CSRNP3: variants seen among roughly 807,000 people sequenced by gnomAD.
CSRNP3 encodes cysteine/serine-rich nuclear protein 3.
A neutral mutation model predicts 48.0 loss-of-function variants in CSRNP3; 12 were observed. The ratio of observed to expected loss-of-function variants is 0.25; its 90% CI spans 0.16 to 0.41. The LOEUF is 0.41. Ranked by LOEUF, CSRNP3 falls within the 10% of genes least tolerant of loss-of-function variation. The pLI is 1.00. For synonymous variants in CSRNP3, 263 were observed against 269.7 expected (o/e 0.98, Z 0.24); for missense variants, 580 against 724.4 (o/e 0.80, Z 2.29).
At chr2:165,477,276 T>C (rs765630507) in intron 1 of CSRNP3, among the ~76,000 whole-genome samples, 1 of 151,542 alleles carries the variant, frequency 6.6e-6, no homozygotes, top group Non-Finnish European at 1.5e-5. Context: ...CTGTTAAGTC[T>C]TTTCTATGCT....
chr2:165,666,762 G>GAAGA lies in CSRNP3; in HGVS notation c.408+8751_408+8754dup, dbSNP rs555473496. Among the ~76,000 whole-genome samples, 61 of 121,788 alleles carry GAAGA rather than the reference G, an allele frequency of 5.0e-4. No individual in the cohort carries two copies. In the East Asian group the frequency reaches 6.6e-3, roughly 13 times the overall value. The allele number at this position is 121,788 out of a possible 152,430, so 79.9% of individuals were successfully genotyped here. On this transcript the variant is annotated intron_variant, in intron 5 of 6. Transcript: ENST00000651982. ...AGAGAGAGGAAGGAAGGAGAGAGAG[G>GAAGA]AAGAAAGAAAGAGAAAGGAAGGCAG...
intron 4 of CSRNP3, among the ~76,000 whole-genome samples, chr2:165,603,009 C>A (rs2105303107): frequency 6.6e-6 from 1 of 152,216 alleles, no homozygotes; most frequent in East Asian, 1.9e-4. Context: ...CATTCTCCTG[C>A]CTCAGCCTCA....
chr2:165,488,582 TTA>T (rs1449974994), intron 1 of CSRNP3, among the ~76,000 whole-genome samples: 1 of 142,430 alleles, frequency 7.0e-6, no homozygotes, highest in African/African-American at 2.6e-5. Flanking sequence ...AGAACAGAAA[TTA>T]TAACAAACTA....
intron 1 of CSRNP3, among the ~76,000 whole-genome samples, chr2:165,485,145 C>T (rs1246662107): frequency 3.3e-5 from 5 of 152,188 alleles, no homozygotes; most frequent in African/African-American, 7.2e-5. Context: ...TTGTGTCTAT[C>T]GGAAACTAAG....
chr2:165,642,713 C>T (rs1416243923), intron 4 of CSRNP3, among the ~76,000 whole-genome samples: 1 of 152,114 alleles, frequency 6.6e-6, no homozygotes, highest in African/African-American at 2.4e-5. Flanking sequence ...CAGGCATGCG[C>T]CACCATGCCC....
chr2:165,489,950 C>G lies in CSRNP3; in HGVS notation c.-282-4809C>G, dbSNP rs1684179829. Among the ~76,000 whole-genome samples, 13 of 151,520 alleles carry G rather than the reference C, an allele frequency of 8.6e-5. No individual in the cohort carries two copies. The South Asian group carries it at 2.7e-3, about 32-fold the overall frequency. On this transcript the variant is annotated intron_variant, in intron 1 of 6. Coordinates refer to ENST00000651982, the MANE Select transcript of CSRNP3 (RefSeq NM_001172173.2). ...ATAGTGTTGGAAGTTCTGGCCAGGG[C>G]AATCAGGCAGGAGAAGAAAATAAAA...
intron 3 of CSRNP3, 110 bp downstream of exon 3, chr2:165,518,071 T>C (rs1684604231): frequency 6.6e-6 from 1 of 152,344 alleles, no homozygotes; most frequent in African/African-American, 2.4e-5. Context: ...ACTTAAAATA[T>C]GTGTTTTAAA....
chr2:165,564,594 T>C (rs778306136), intron 3 of CSRNP3, among the ~76,000 whole-genome samples: 12 of 152,044 alleles, frequency 7.9e-5, no homozygotes, highest in Non-Finnish European at 1.3e-4. Flanking sequence ...AAATTTTTTA[T>C]ATTTCTCCCT....
intron 3 of CSRNP3, among the ~76,000 whole-genome samples, chr2:165,542,443 C>T (rs183711572): frequency 1.3e-5 from 2 of 152,172 alleles, no homozygotes; most frequent in East Asian, 1.9e-4. Context: ...TGTACATAAA[C>T]ATATAATAAA....
intron 4 of CSRNP3, among the ~76,000 whole-genome samples, chr2:165,631,005 C>T (rs1430524182): frequency 6.6e-6 from 1 of 151,990 alleles, no homozygotes; most frequent in Non-Finnish European, 1.5e-5. Context: ...TCATTATGTT[C>T]AAAAATAAGA....
intron 5 of CSRNP3, among the ~76,000 whole-genome samples, chr2:165,671,371 C>A (rs1271832597): frequency 6.6e-6 from 1 of 152,216 alleles, no homozygotes; most frequent in African/African-American, 2.4e-5. Context: ...TTAATGGACT[C>A]ACAGTTCCAT....
intron 4 of CSRNP3, among the ~76,000 whole-genome samples, chr2:165,629,306 G>C (rs1191990191): frequency 6.6e-6 from 1 of 152,158 alleles, no homozygotes; most frequent in Non-Finnish European, 1.5e-5. Context: ...TACAGATAGA[G>C]GACAAGAGTA....
At chr2:165,672,811 C>T (rs1687352803) in intron 5 of CSRNP3, among the ~76,000 whole-genome samples, 1 of 152,144 alleles carries the variant, frequency 6.6e-6, no homozygotes, top group Non-Finnish European at 1.5e-5. Context: ...CATTTGAACT[C>T]AGTAGTTTTG....
intron 3 of CSRNP3, among the ~76,000 whole-genome samples, chr2:165,529,400 C>T (rs1234257008): frequency 6.6e-6 from 1 of 152,108 alleles, no homozygotes; most frequent in African/African-American, 2.4e-5. Flanking sequence ...GTGGTTTTAA[C>T]AGCGGGAGTT....
intron 4 of CSRNP3, among the ~76,000 whole-genome samples, chr2:165,596,385 A>G (rs1685811937): frequency 6.6e-6 from 1 of 152,152 alleles, no homozygotes; most frequent in African/African-American, 2.4e-5. Context: ...TAATGTTATT[A>G]ATATATGATT....
At chr2:165,470,500 TTAA>T (rs1285346798) in intron 1 of CSRNP3, among the ~76,000 whole-genome samples, 1 of 152,100 alleles carries the variant, frequency 6.6e-6, no homozygotes, top group Non-Finnish European at 1.5e-5. Flanking sequence ...CATGGGTAGT[TTAA>T]TTTATCAGTC....
In CSRNP3 at chr2:165,688,413, A is replaced by G. The variant is rs1270166596; in HGVS notation, c.*8660A>G. Reference sequence around the variant, plus strand: ...AATGCCTGTTTACGCAGAAAATGGCACTTTGTTCTTTCAGTGTGTTTCCCT... The same window carrying G: ...AATGCCTGTTTACGCAGAAAATGGCGCTTTGTTCTTTCAGTGTGTTTCCCT... On this transcript the variant is annotated 3_prime_UTR_variant, in exon 7 of 7. Transcript: ENST00000651982. 6.6e-6 allele frequency: 1 copy of G among 152,110 alleles called. No individual in the cohort carries two copies. Among genetic ancestry groups the G allele is most frequent in the African/African-American group, 2.4e-5 (1 of 41,430 alleles). The allele number at this position is 152,110 out of a possible 1,614,324, so 9.4% of individuals were successfully genotyped here. A position where few individuals can be genotyped will look rare whatever the true frequency, so the allele number is the denominator to read the frequency against.
intron 3 of CSRNP3, among the ~76,000 whole-genome samples, chr2:165,531,071 G>T (rs1233610447): frequency 6.6e-6 from 1 of 151,662 alleles, no homozygotes; most frequent in Non-Finnish European, 1.5e-5. Flanking sequence ...ATTGACTAAA[G>T]ATAATATTGG....
At chr2:165,529,949 A>G (rs560996613) in intron 3 of CSRNP3, among the ~76,000 whole-genome samples, 2 of 152,328 alleles carry the variant, frequency 1.3e-5, no homozygotes, top group South Asian at 2.1e-4. Context: ...AAAGAAATGG[A>G]AAGTAATAGA....
Sources: allele counts gnomAD v4.1 joint callset (sites outside exome capture counted in the v4.1 genomes callset), GRCh38; gene constraint gnomAD v4.1.1; transcripts MANE v1.5; gene names NCBI Gene and HGNC (gene_info 2026-07-23, HGNC 2026-07-21).